The following CDH11 variants were observed in gnomAD, a reference collection of about 807,000 sequenced individuals.
CDH11 encodes the protein cadherin 11, also known as cadherin-11.
CDH11 carries 11 observed loss-of-function variants against 67.8 expected under a neutral mutation model. The observed-to-expected ratio is 0.16, with a 90% CI of 0.10 to 0.27. The LOEUF is 0.27. Among genes scored for constraint, CDH11 ranks in the 10% least tolerant of loss-of-function variants. The probability of loss-of-function intolerance (pLI) is 1.00; values close to 1 mark genes in which losing one functional copy is unlikely to be tolerated. For synonymous variants in CDH11, 419 were observed against 400.0 expected, an observed-to-expected ratio of 1.05 and a Z score of -0.57; for missense variants, 847 against 1,031.2, an observed-to-expected ratio of 0.82 and a Z score of 2.45.
intron 1 of CDH11, among the ~76,000 whole-genome samples, chr16:65,111,912 A>G (rs1327714137): frequency 1.3e-5 from 2 of 151,926 alleles, no homozygotes; most frequent in Non-Finnish European, 2.9e-5. Flanking sequence ...TCTACTAAAA[A>G]TACAAAAATT....
At chr16:65,027,335 A>G (rs2073553684) in intron 2 of CDH11, among the ~76,000 whole-genome samples, 1 of 152,208 alleles carries the variant, frequency 6.6e-6, no homozygotes, top group African/African-American at 2.4e-5. Flanking sequence ...CCCAGGCCCA[A>G]ATAACATCTC....
In CDH11 at chr16:64,944,749, A is replaced by G. The variant is rs1489627145; in HGVS notation, c.*2854T>C. The G allele has an allele frequency of 8.6e-6, 2 of 231,290 alleles. No individual in the cohort carries two copies. The highest frequency in any genetic ancestry group is 4.4e-5 in the African/African-American group (2 of 45,242). The allele number at this position is 231,290 out of a possible 1,614,324, so 14.3% of individuals were successfully genotyped here. A position where few individuals can be genotyped will look rare whatever the true frequency, so the allele number is the denominator to read the frequency against. Reference sequence around the variant, plus strand: ...AAAAGAAATAACTTAGCTAAACCCAAGATCTGTCCAGAATTGCCACAGCTG... The same window carrying G: ...AAAAGAAATAACTTAGCTAAACCCAGGATCTGTCCAGAATTGCCACAGCTG... On this transcript the variant is annotated 3_prime_UTR_variant, in exon 13 of 13. Coordinates refer to ENST00000268603, the MANE Select transcript of CDH11 (RefSeq NM_001797.4).
intron 2 of CDH11, among the ~76,000 whole-genome samples, chr16:65,025,098 C>T (rs2073504754): frequency 6.6e-6 from 1 of 152,204 alleles, no homozygotes; most frequent in Admixed American, 6.5e-5. Flanking sequence ...GGGCCCTGCT[C>T]AGGAGGCTGT....
intron 3 of CDH11, among the ~76,000 whole-genome samples, chr16:65,002,953 G>C (rs1235154395): frequency 2.0e-5 from 3 of 146,502 alleles, no homozygotes; most frequent in Non-Finnish European, 4.5e-5. Context: ...TAATTGCTTA[G>C]GTAACTGTCT....
chr16:65,005,659 A>G (rs186453270), intron 2 of CDH11, among the ~76,000 whole-genome samples: 1 of 152,304 alleles, frequency 6.6e-6, no homozygotes, highest in Admixed American at 6.5e-5. Context: ...AGGAGAAATA[A>G]TGGATTAAGG....
At chr16:64,993,055 A>G in intron 4 of CDH11, 21 bp from the exon 5 acceptor site, 1 of 1,595,538 alleles carries the variant, frequency 6.3e-7, no homozygotes, top group Non-Finnish European at 8.6e-7. Context: ...AAATAAATTA[A>G]TTAGCAACAT....
chr16:64,988,084 CCT>C (rs1344549632), intron 7 of CDH11, 71 bp downstream of exon 7: 4 of 1,230,552 alleles, frequency 3.3e-6, no homozygotes, highest in East Asian at 2.6e-5. Context: ...CCGTCGCCTC[CCT>C]GTTTCTTGCA....
chr16:64,959,576 T>G (rs2071616267), intron 11 of CDH11, among the ~76,000 whole-genome samples: 1 of 152,168 alleles, frequency 6.6e-6, no homozygotes, highest in Non-Finnish European at 1.5e-5. Flanking sequence ...GAGAGCGGGT[T>G]CAAAGATAAA....
intron 8 of CDH11, among the ~76,000 whole-genome samples, chr16:64,979,230 AT>A (rs1262544989): frequency 6.6e-6 from 1 of 152,196 alleles, no homozygotes; most frequent in Non-Finnish European, 1.5e-5. Flanking sequence ...CAGGTGGATC[AT>A]TTGAGGCCAG....
At chr16:65,118,001 C>T (rs1231711934) in intron 1 of CDH11, among the ~76,000 whole-genome samples, 3 of 152,196 alleles carry the variant, frequency 2.0e-5, no homozygotes, top group Non-Finnish European at 4.4e-5. Flanking sequence ...TAGAGAGATG[C>T]TAATCCTGAC....
intron 1 of CDH11, among the ~76,000 whole-genome samples, chr16:65,113,275 G>C (rs1283610502): frequency 7.1e-6 from 1 of 141,288 alleles, no homozygotes; most frequent in Admixed American, 7.4e-5. Flanking sequence ...AACAGAGCAA[G>C]ATTCCATCTC....
At chr16:65,042,452 A>G (rs1432952416) in intron 2 of CDH11, among the ~76,000 whole-genome samples, 3 of 152,140 alleles carry the variant, frequency 2.0e-5, no homozygotes, top group African/African-American at 7.2e-5. Flanking sequence ...TCCAAGACTG[A>G]GAGAATAGAA....
intron 1 of CDH11, among the ~76,000 whole-genome samples, chr16:65,101,210 C>T (rs1353510751): frequency 6.6e-6 from 1 of 152,170 alleles, no homozygotes; most frequent in Non-Finnish European, 1.5e-5. Context: ...AGATGCATAC[C>T]ACTCTCCTAA....
At chr16:64,994,202 C>T (rs59208924) in intron 4 of CDH11, among the ~76,000 whole-genome samples, 16,917 of 152,076 alleles carry the variant, frequency 0.11, 1,412 homozygotes, top group East Asian at 0.25. Flanking sequence ...TTCATTATTT[C>T]ATAGAAACAA....
At chr16:64,990,106 G>A (rs990464313) in intron 6 of CDH11, among the ~76,000 whole-genome samples, 3 of 152,062 alleles carry the variant, frequency 2.0e-5, no homozygotes, top group African/African-American at 4.8e-5. Flanking sequence ...TCAAGTTCAC[G>A]GCAGTGAAAC....
In CDH11 at chr16:64,944,697, C is replaced by T; in HGVS notation, c.*2906G>A. 4.3e-6 allele frequency: 1 copy of T among 231,816 alleles called. No individual in the cohort carries two copies. The highest frequency in any genetic ancestry group is 8.5e-6 in the Non-Finnish European group (1 of 117,138). The allele number at this position is 231,816 out of a possible 1,614,324, so 14.4% of individuals were successfully genotyped here. Reference sequence around the variant, plus strand: ...TGCAAATAAACTACTCTTTTATCTTCCCTGTCACCCCCAGAAACCCAGGCC... The same window carrying T: ...TGCAAATAAACTACTCTTTTATCTTTCCTGTCACCCCCAGAAACCCAGGCC... On this transcript the variant is annotated 3_prime_UTR_variant, in exon 13 of 13. Coordinates refer to ENST00000268603, the MANE Select transcript of CDH11 (RefSeq NM_001797.4).
chr16:65,014,555 C>G (rs2073256269), intron 2 of CDH11, among the ~76,000 whole-genome samples: 1 of 152,110 alleles, frequency 6.6e-6, no homozygotes, highest in Non-Finnish European at 1.5e-5. Flanking sequence ...ATCTAGGCAG[C>G]ACAGGCATAG....
intron 2 of CDH11, among the ~76,000 whole-genome samples, chr16:65,010,355 C>T (rs1403722896): frequency 6.6e-6 from 1 of 152,154 alleles, no homozygotes; most frequent in Non-Finnish European, 1.5e-5. Context: ...GATCTCATCA[C>T]TCAGCACTGA....
chr16:65,063,143 T>C (rs1390704971), intron 1 of CDH11, among the ~76,000 whole-genome samples: 2 of 152,246 alleles, frequency 1.3e-5, no homozygotes, highest in African/African-American at 4.8e-5. Context: ...AATATTTTCA[T>C]AGGAAGCTTT....
Sources: allele counts gnomAD v4.1 joint callset (sites outside exome capture counted in the v4.1 genomes callset), GRCh38; gene constraint gnomAD v4.1.1; transcripts MANE v1.5; gene names NCBI Gene and HGNC (gene_info 2026-07-23, HGNC 2026-07-21).